API5: variants seen among roughly 807,000 people sequenced by gnomAD.
The protein encoded by API5 is apoptosis inhibitor 5, also known as FIF.
A neutral mutation model predicts 71.9 loss-of-function variants in API5; 6 were observed. That is an observed-to-expected ratio of 0.08 (90% CI 0.05 to 0.16). The LOEUF (loss-of-function observed/expected upper bound fraction) is 0.16, where lower values mean the gene tolerates loss of function less well. API5 is among the 10% of genes least tolerant of loss of function. API5 has a pLI of 1.00. For missense variants in API5, 332 were observed against 612.8 expected, an observed-to-expected ratio of 0.54 and a Z score of 4.84; for synonymous variants, 189 against 221.3, an observed-to-expected ratio of 0.85 and a Z score of 1.30.
In API5 at chr11:43,335,288, A is replaced by G. The variant is rs1048028618; in HGVS notation, c.1289A>G (p.His430Arg). The G allele has an allele frequency of 6.2e-7, 1 of 1,605,518 alleles. No individual in the cohort carries two copies. Among genetic ancestry groups the G allele is most frequent in the African/African-American group, 1.3e-5 (1 of 74,724 alleles). Residue 430 changes from histidine (H) to arginine (R), a missense_variant, in exon 12 of 14, where the codon CAC becomes CGC. His to Arg is a conservative substitution (Grantham distance 29). Around this residue, in one of 3 missense-constraint regions of API5, gnomAD observed 168 missense variants for 343.9 expected, o/e 0.49. Transcript: ENST00000531273. ...TTTCTGTCTCTGCAGGATCTCTTCCACATTCCTCCTTCTTATAAGAGCACA... is the reference window on the plus strand; with the variant it reads ...TTTCTGTCTCTGCAGGATCTCTTCCGCATTCCTCCTTCTTATAAGAGCACA... ...NINVLIKDLF[H>R]IPPSYKSTVT...
chr11:43,313,000 A>T (rs1334523128), intron 1 of API5, among the ~76,000 whole-genome samples: 1 of 151,370 alleles, frequency 6.6e-6, no homozygotes, highest in African/African-American at 2.4e-5. Flanking sequence ...CTAGCTACTC[A>T]GGAGGCTGAG....
chr11:43,339,739 G>T (rs1302629996), intron 13 of API5, among the ~76,000 whole-genome samples: 1 of 152,148 alleles, frequency 6.6e-6, no homozygotes, highest in African/African-American at 2.4e-5. Context: ...ATCTACATTT[G>T]TGTGAGTCCA....
At chr11:43,331,067 T>TA (rs1855235844) in intron 11 of API5, among the ~76,000 whole-genome samples, 1 of 152,212 alleles carries the variant, frequency 6.6e-6, no homozygotes, top group Non-Finnish European at 1.5e-5. Flanking sequence ...CTTAATTGTA[T>TA]TGTGCCAGAT....
At position 43,312,019 on chromosome 11, in the gene API5, C is replaced by A. The variant is rs1284609715; in HGVS notation, c.-109C>A. On this transcript the variant is annotated 5_prime_UTR_variant, in exon 1 of 14. Coordinates refer to ENST00000531273, the MANE Select transcript of API5 (RefSeq NM_001142930.2). ...CGGTGACTGGCGGCTGCACTGGCGG[C>A]AGCTGGAGGTGTAATAGTGCGGGTA... The A allele has an allele frequency of 8.9e-6, 11 of 1,238,406 alleles. No homozygotes were observed. Among genetic ancestry groups the A allele is most frequent in the Non-Finnish European group, 1.1e-5 (10 of 878,366 alleles). The allele number at this position is 1,238,406 out of a possible 1,614,324, so 76.7% of individuals were successfully genotyped here.
At chr11:43,312,911 A>G (rs1391887343) in intron 1 of API5, among the ~76,000 whole-genome samples, 1 of 152,060 alleles carries the variant, frequency 6.6e-6, no homozygotes, top group Non-Finnish European at 1.5e-5. Flanking sequence ...GTTCGAGACC[A>G]GCCTGACCCA....
Position 43,320,943 on chromosome 11 carries a change from CTAAA to C in API5, c.325+32_325+35del, listed in dbSNP as rs780844057. 4.6e-6 allele frequency: 7 copies of C among 1,532,704 alleles called. 1 individual carries two copies. The South Asian group carries it at 7.9e-5, about 17-fold the overall frequency. 94.9% of individuals were successfully genotyped at this position (1,532,704 alleles called of 1,614,324 possible). On this transcript the variant is annotated intron_variant, in intron 3 of 13. Transcript: ENST00000531273. Reference sequence around the variant, plus strand: ...AGGGATTTTATTATTACCTTTTTCTCTAAATATATATCTTCTTTCTGAAATGTTG... The same window carrying C: ...AGGGATTTTATTATTACCTTTTTCTCTATATATCTTCTTTCTGAAATGTTG...
chr11:43,322,662 T>C (rs967306425), intron 5 of API5, among the ~76,000 whole-genome samples: 3 of 152,160 alleles, frequency 2.0e-5, no homozygotes, highest in African/African-American at 7.2e-5. Context: ...TGTGCCAAAG[T>C]TTGGGAATAG....
chr11:43,330,396 G>A, intron 10 of API5, 112 bp from the exon 11 acceptor site: 1 of 821,438 alleles, frequency 1.2e-6, no homozygotes, highest in Non-Finnish European at 2.1e-6. Context: ...ATTCTGTAAA[G>A]ACTGTAGAGG....
Position 43,323,621 on chromosome 11 carries a change from A to G in API5, c.735A>G (p.Ala245=), listed in dbSNP as rs201696733. 1 of 1,613,888 alleles carries G rather than the reference A, an allele frequency of 6.2e-7. No homozygotes were observed. Among genetic ancestry groups the G allele is most frequent in the African/African-American group, 1.3e-5 (1 of 75,008 alleles). Residue 245 remains alanine, a synonymous_variant, in exon 6 of 14, where the codon GCA becomes GCG. Coordinates refer to ENST00000531273, the MANE Select transcript of API5 (RefSeq NM_001142930.2). ...GGCTCTTACAGTGCACTCGGCAGGC[A>G]GTACCCCTCTTCTCTGTGAGCTCTT... ...VDRLLQCTRQ[A]VPLFSKNVHS... is the part of the protein sequence containing the mutation.
At chr11:43,335,830 T>G in intron 12 of API5, 28 bp from the exon 13 acceptor site, 1 of 1,575,406 alleles carries the variant, frequency 6.3e-7, no homozygotes, top group Non-Finnish European at 8.6e-7. Context: ...AGAATGTTTT[T>G]GAATTGCTCT....
Position 43,343,724 on chromosome 11 carries a change from A to G in API5, c.*1214A>G, listed in dbSNP as rs1343332627. 2 of 152,628 alleles carry G rather than the reference A, an allele frequency of 1.3e-5. No individual in the cohort carries two copies. Among genetic ancestry groups the G allele is most frequent in the African/African-American group, 4.8e-5 (2 of 41,450 alleles). The allele number at this position is 152,628 out of a possible 1,614,324, so 9.5% of individuals were successfully genotyped here. ...AGATGGGGGGTTTGTGGAGTGTTTA[A>G]TGTCATGGGCATTTTTAGTAGGATA... On this transcript the variant is annotated 3_prime_UTR_variant, in exon 14 of 14. Coordinates refer to ENST00000531273, the MANE Select transcript of API5 (RefSeq NM_001142930.2).
At chr11:43,318,474 A>C (rs1394911472) in intron 1 of API5, 166 bp from the exon 2 acceptor site, 1 of 1,536,664 alleles carries the variant, frequency 6.5e-7, no homozygotes, top group African/African-American at 1.4e-5. Context: ...GGAGAACGGA[A>C]TTGGGAAGGT....
chr11:43,337,092 G>A (rs1228066499), intron 13 of API5, among the ~76,000 whole-genome samples: 8 of 151,908 alleles, frequency 5.3e-5, no homozygotes, highest in Admixed American at 4.6e-4. Flanking sequence ...CGGAGGCCGA[G>A]GTGGGAGGAT....
chr11:43,321,759 A>G (rs193018735), intron 4 of API5, among the ~76,000 whole-genome samples: 82 of 152,318 alleles, frequency 5.4e-4, no homozygotes, highest in Admixed American at 1.4e-3. Flanking sequence ...TATTATTAGT[A>G]ATGATAAAAA....
In API5 at chr11:43,323,441, T is replaced by C. The variant is rs560599812; in HGVS notation, c.555T>C (p.Asp185=). 107 of 1,613,856 alleles carry C rather than the reference T, an allele frequency of 6.6e-5. No homozygotes were observed. In the South Asian group the frequency reaches 1.2e-3, roughly 17 times the overall value. The part of the protein sequence containing the change: ...ILTESKKVLE[D]VTGEEFVLFM... The stretch of plus-strand genomic sequence containing the variant: ...TGTCTCTTTTCCAGGTCCTAGAAGA[T>C]GTGACTGGTGAAGAATTTGTTCTAT... Residue 185 remains aspartate, a synonymous_variant, in exon 6 of 14, where the codon GAT becomes GAC. Coordinates refer to ENST00000531273, the MANE Select transcript of API5 (RefSeq NM_001142930.2).
In API5 at chr11:43,322,310, C is replaced by T. The variant is rs533589816; in HGVS notation, c.543+174C>T. On this transcript the variant is annotated intron_variant, in intron 5 of 13. Coordinates refer to ENST00000531273, the MANE Select transcript of API5 (RefSeq NM_001142930.2). ...CTTAGATTGAATTTAGCACTTTTGTCGGTGGTAATGATGAATCAATTTGGT... is the reference window on the plus strand; with the variant it reads ...CTTAGATTGAATTTAGCACTTTTGTTGGTGGTAATGATGAATCAATTTGGT... Among the ~76,000 whole-genome samples, 6 of 152,022 alleles carry T rather than the reference C, an allele frequency of 3.9e-5. No homozygotes were observed. The East Asian group carries it at 5.8e-4, about 15-fold the overall frequency.
chr11:43,344,318 G>A lies in API5; in HGVS notation c.*1808G>A, dbSNP rs1312244851. 1 of 152,584 alleles carries A rather than the reference G, an allele frequency of 6.6e-6. No individual in the cohort carries two copies. Among genetic ancestry groups the A allele is most frequent in the Non-Finnish European group, 1.5e-5 (1 of 68,040 alleles). 9.5% of individuals were successfully genotyped at this position (152,584 alleles called of 1,614,324 possible). A position where few individuals can be genotyped will look rare whatever the true frequency, so the allele number is the denominator to read the frequency against. Reference sequence around the variant, plus strand: ...AGCAGAAGTGACTTTACTTTCTCAAGTTTGATACTGAGTTGACTGTTCCCT... The same window carrying A: ...AGCAGAAGTGACTTTACTTTCTCAAATTTGATACTGAGTTGACTGTTCCCT... On this transcript the variant is annotated 3_prime_UTR_variant, in exon 14 of 14. Coordinates refer to ENST00000531273, the MANE Select transcript of API5 (RefSeq NM_001142930.2).
chr11:43,335,441 G>T (rs943580750), intron 12 of API5, 87 bp downstream of exon 12: 5 of 767,176 alleles, frequency 6.5e-6, no homozygotes, highest in South Asian at 4.8e-5. Context: ...AATGTTAAAT[G>T]ATTCATAATA....
chr11:43,330,445 A>G, intron 10 of API5, 63 bp from the exon 11 acceptor site: 1 of 1,143,872 alleles, frequency 8.7e-7, no homozygotes, highest in Non-Finnish European at 1.3e-6. Flanking sequence ...GTTCTATGAC[A>G]GAATGGATTA....
Sources: gnomAD v4.1 joint callset for allele counts (sites outside exome capture counted in the v4.1 genomes callset) on GRCh38, gnomAD v4.1.1 for gene constraint, gnomAD v4.1.1 regional missense constraint, MANE v1.5 for transcripts, NCBI Gene and HGNC (gene_info 2026-07-23, HGNC 2026-07-21) for gene names.